PUM1: variants seen among roughly 807,000 people sequenced by gnomAD.
The protein encoded by PUM1 is pumilio RNA binding family member 1.
Under a neutral mutation model 131.8 loss-of-function variants are expected in PUM1, and 13 were observed. The ratio of observed to expected loss-of-function variants is 0.10; its 90% CI spans 0.06 to 0.16. The LOEUF (loss-of-function observed/expected upper bound fraction) is 0.16. Among genes scored for constraint, PUM1 ranks in the 10% least tolerant of loss-of-function variants. PUM1 has a pLI of 1.00. For missense variants in PUM1, 961 were observed against 1,512.4 expected (o/e 0.64, Z 6.05); for synonymous variants, 509 against 556.5 (o/e 0.91, Z 1.20).
At chr1:31,020,093 T>C (rs1218870589) in intron 3 of PUM1, among the ~76,000 whole-genome samples, 1 of 152,138 alleles carries the variant, frequency 6.6e-6, no homozygotes, top group Non-Finnish European at 1.5e-5. Context: ...GTCCTCAGGG[T>C]CTACTGTTCC....
At chr1:31,054,093 CAAA>C (rs368330168) in intron 2 of PUM1, among the ~76,000 whole-genome samples, 14,650 of 53,630 alleles carry the variant, frequency 0.27, 1,020 homozygotes, top group African/African-American at 0.43. Context: ...GACTTTATTT[CAAA>C]AAAAAAAAAA....
chr1:31,043,760 A>G (rs1201688928), intron 2 of PUM1, among the ~76,000 whole-genome samples: 1 of 152,188 alleles, frequency 6.6e-6, no homozygotes, highest in Non-Finnish European at 1.5e-5. Flanking sequence ...TTAGCCTCCA[A>G]ATACTTCCTT....
At position 30,954,058 on chromosome 1, in the gene PUM1, C is replaced by T. The variant is rs1002677150; in HGVS notation, c.2324-77G>A. 3.5e-6 allele frequency: 5 copies of T among 1,420,738 alleles called. No individual in the cohort carries two copies. The Admixed American group carries it at 8.2e-5, about 23-fold the overall frequency. 88.0% of individuals were successfully genotyped at this position (1,420,738 alleles called of 1,614,324 possible). ...CAAGAGAGAAAAAAGCATTCCCACA[C>T]CCGAAAGCCTGCACCATTTCTGATT... is the stretch of plus-strand genomic sequence containing the variant. On this transcript the variant is annotated intron_variant, in intron 14 of 21. Coordinates refer to ENST00000426105, the MANE Select transcript of PUM1 (RefSeq NM_001020658.2).
intron 11 of PUM1, 164 bp downstream of exon 11, chr1:30,968,190 G>A (rs763482843): frequency 5.0e-5 from 46 of 919,254 alleles, no homozygotes; most frequent in Non-Finnish European, 7.3e-5. Flanking sequence ...GCTCTCATCA[G>A]TGAACTATAG....
chr1:30,985,508 C>T (rs1321267243), intron 7 of PUM1, among the ~76,000 whole-genome samples: 3 of 151,970 alleles, frequency 2.0e-5, no homozygotes, highest in South Asian at 4.2e-4. Context: ...CAAAATTAGC[C>T]GGGAGTGGTG....
intron 18 of PUM1, among the ~76,000 whole-genome samples, chr1:30,944,154 T>A (rs1338380807): frequency 6.6e-6 from 1 of 152,224 alleles, no homozygotes; most frequent in Non-Finnish European, 1.5e-5. Flanking sequence ...AATAACCACG[T>A]GGGTTGCTGT....
chr1:30,963,924 C>T (rs892139832), intron 14 of PUM1, among the ~76,000 whole-genome samples: 6 of 152,088 alleles, frequency 3.9e-5, no homozygotes, highest in East Asian at 1.9e-4. Flanking sequence ...TACATAACTG[C>T]GGGAGAGGAG....
At chr1:31,019,718 ACTTCT>A (rs1238161882) in intron 3 of PUM1, among the ~76,000 whole-genome samples, 2 of 152,152 alleles carry the variant, frequency 1.3e-5, no homozygotes, top group Non-Finnish European at 2.9e-5. Context: ...GAGCCAAGAA[ACTTCT>A]CTTCTCTACT....
intron 2 of PUM1, among the ~76,000 whole-genome samples, chr1:31,046,181 G>A (rs2124579774): frequency 6.6e-6 from 1 of 152,158 alleles, no homozygotes; most frequent in Middle Eastern, 3.4e-3. Context: ...GAGGTCGGGA[G>A]GTCGAAACCA....
intron 14 of PUM1, among the ~76,000 whole-genome samples, chr1:30,960,878 T>G (rs60580657): frequency 0.019 from 2,834 of 152,148 alleles, 51 homozygotes; most frequent in African/African-American, 0.052. Flanking sequence ...CCCCAAGAGT[T>G]TGAGTTAGGC....
chr1:31,064,871 A>C (rs1400846567), intron 1 of PUM1, among the ~76,000 whole-genome samples: 1 of 149,184 alleles, frequency 6.7e-6, no homozygotes, highest in Non-Finnish European at 1.5e-5. Context: ...TTTACCAAGC[A>C]TGTTTGTGAG....
Position 30,981,298 on chromosome 1 carries a change from G to T in PUM1, c.1252+14C>A. ...CACACCTATCATGAAAGAGCTATGG[G>T]CTTAAGGACTTACCGATGTGCGGCT... is the stretch of plus-strand genomic sequence containing the variant. On this transcript the variant is annotated intron_variant, in intron 8 of 21. Coordinates refer to ENST00000426105, the MANE Select transcript of PUM1 (RefSeq NM_001020658.2). 1 of 1,545,730 alleles carries T rather than the reference G, an allele frequency of 6.5e-7. No individual in the cohort carries two copies. The highest frequency in any genetic ancestry group is 8.9e-7 in the Non-Finnish European group (1 of 1,128,876).
At chr1:30,944,912 T>C (rs1346346373) in intron 18 of PUM1, among the ~76,000 whole-genome samples, 1 of 152,218 alleles carries the variant, frequency 6.6e-6, no homozygotes, top group East Asian at 1.9e-4. Context: ...GACAGTACTA[T>C]ACAGGACTGC....
intron 4 of PUM1, 107 bp downstream of exon 4, chr1:31,006,887 C>T: frequency 1.3e-6 from 1 of 797,898 alleles, no homozygotes; most frequent in East Asian, 2.5e-5. Context: ...GAGGACACTG[C>T]TTGACATGCT....
intron 3 of PUM1, among the ~76,000 whole-genome samples, chr1:31,023,897 G>A (rs1440065918): frequency 7.3e-6 from 1 of 136,890 alleles, no homozygotes; most frequent in Non-Finnish European, 1.5e-5. Flanking sequence ...CCACACTTCA[G>A]CCTGGTGACA....
chr1:31,015,190 TG>T (rs1402823179), intron 3 of PUM1, among the ~76,000 whole-genome samples: 2 of 152,240 alleles, frequency 1.3e-5, no homozygotes, highest in Non-Finnish European at 2.9e-5. Flanking sequence ...ACTGGGATTG[TG>T]GATTACTTAA....
chr1:31,051,625 T>G (rs1220747209), intron 2 of PUM1, among the ~76,000 whole-genome samples: 1 of 139,330 alleles, frequency 7.2e-6, no homozygotes, highest in Non-Finnish European at 1.6e-5. Context: ...TTTTTTTTTT[T>G]GCCTGGTTCT....
chr1:30,952,331 G>C lies in PUM1; in HGVS notation c.2624C>G (p.Pro875Arg). The stretch of plus-strand genomic sequence containing the variant: ...ATTGAAGACAAGCTGGCGCTCAGCT[G>C]GTGTGGCACGCTCCAGTTTCAGCTG... ...FIQLKLERAT[P>R]AERQLVFNEI... Residue 875 changes from proline to arginine, a missense_variant, in exon 16 of 22, where the codon CCA (proline) becomes CGA (arginine). Around this residue, in one of 4 missense-constraint regions of PUM1, gnomAD observed 117 missense variants for 200.7 expected, o/e 0.58. Coordinates refer to ENST00000426105, the MANE Select transcript of PUM1 (RefSeq NM_001020658.2). The C allele has an allele frequency of 3.1e-6, 5 of 1,613,192 alleles. No homozygotes were observed. Among genetic ancestry groups the C allele is most frequent in the Non-Finnish European group, 4.2e-6 (5 of 1,179,154 alleles).
chr1:31,062,269 C>G lies in PUM1; in HGVS notation c.-11-2692G>C, dbSNP rs572405274. Reference sequence around the variant, plus strand: ...TATGAAACACTAAAGTTCCTTAAAACCAAAAACTGCATCTGTACTTAAGAT... The same window carrying G: ...TATGAAACACTAAAGTTCCTTAAAAGCAAAAACTGCATCTGTACTTAAGAT... On this transcript the variant is annotated intron_variant, in intron 1 of 21. Transcript: ENST00000426105. 1.2e-3 allele frequency among the ~76,000 whole-genome samples: 190 copies of G among 152,258 alleles called. 7 individuals carry two copies. In the South Asian group the frequency reaches 0.039, roughly 31 times the overall value.
Sources: allele counts gnomAD v4.1 joint callset (sites outside exome capture counted in the v4.1 genomes callset), GRCh38; gene constraint gnomAD v4.1.1; regional missense constraint gnomAD v4.1.1; transcripts MANE v1.5; gene names NCBI Gene and HGNC (gene_info 2026-07-23, HGNC 2026-07-21).